Variants in ECT2L observed in about 807,000 individuals in gnomAD.
ECT2L encodes epithelial cell transforming 2 like, also known as epithelial cell-transforming sequence 2 oncogene-like.
In ECT2L, 126 loss-of-function variants were observed where a neutral mutation model predicts 122.8. The ratio of observed to expected loss-of-function variants is 1.03; its 90% CI spans 0.89 to 1.19. ECT2L has a LOEUF of 1.19. Among genes scored for constraint, ECT2L ranks in the 50% most tolerant of loss-of-function variants. The probability of loss-of-function intolerance (pLI) is 0.00; values close to 1 mark genes in which losing one functional copy is unlikely to be tolerated. For synonymous variants in ECT2L, 385 were observed against 381.8 expected, an observed-to-expected ratio of 1.01 and a Z score of -0.10; for missense variants, 1,012 against 1,064.1, an observed-to-expected ratio of 0.95 and a Z score of 0.68.
intron 4 of ECT2L, among the ~76,000 whole-genome samples, chr6:138,834,896 C>CAT (rs1776769030): frequency 1.2e-5 from 1 of 84,160 alleles, no homozygotes; most frequent in East Asian, 3.4e-4. Flanking sequence ...CCCCCGTTTA[C>CAT]ACACACACAC....
chr6:138,896,092 A>T (rs568643888), intron 20 of ECT2L, among the ~76,000 whole-genome samples: 10,783 of 139,178 alleles, frequency 0.077, 967 homozygotes, highest in African/African-American at 0.21. Flanking sequence ...TCATTGCTGA[A>T]TTTTTTTTTT....
chr6:138,881,657 G>C (rs1387829198), intron 15 of ECT2L, among the ~76,000 whole-genome samples: 2 of 151,234 alleles, frequency 1.3e-5, no homozygotes, highest in African/African-American at 4.9e-5. Flanking sequence ...TGGGATGATG[G>C]GAGACAAGGA....
rs1779484998 is a variant in ECT2L, at chr6:138,903,674, AAAAC to A, written c.*1051_*1054del. On this transcript the variant is annotated 3_prime_UTR_variant, in exon 22 of 22. Coordinates refer to ENST00000541398, the MANE Select transcript of ECT2L (RefSeq NM_001077706.3). ...ACAGCTGAGTAAAAATGTTTCTTTG[AAAAC>A]AAAGACACTCAGAAAAACAGGTGTT... 1 of 152,232 alleles carries A rather than the reference AAAAC, an allele frequency of 6.6e-6. No individual in the cohort carries two copies. The highest frequency in any genetic ancestry group is 1.5e-5 in the Non-Finnish European group (1 of 68,026). 9.4% of individuals were successfully genotyped at this position (152,232 alleles called of 1,614,324 possible). A position where few individuals can be genotyped will look rare whatever the true frequency, so the allele number is the denominator to read the frequency against.
Position 138,844,628 on chromosome 6 carries a change from A to G in ECT2L, c.764+48A>G, listed in dbSNP as rs759795715. Reference sequence around the variant, plus strand: ...AAGGCTCAACACCATCCCAATACCAATAATTCACTCTAGAATAAATTTAGC... The same window carrying G: ...AAGGCTCAACACCATCCCAATACCAGTAATTCACTCTAGAATAAATTTAGC... On this transcript the variant is annotated intron_variant, in intron 7 of 21. Transcript: ENST00000541398. The G allele has an allele frequency of 7.8e-6, 12 of 1,546,722 alleles. No homozygotes were observed. The African/African-American group carries it at 1.2e-4, about 16-fold the overall frequency.
At chr6:138,901,480 T>G (rs1205946690) in intron 21 of ECT2L, among the ~76,000 whole-genome samples, 1 of 152,208 alleles carries the variant, frequency 6.6e-6, no homozygotes, top group East Asian at 1.9e-4. Flanking sequence ...TTTTAAATTT[T>G]TATCTATTAC....
intron 7 of ECT2L, among the ~76,000 whole-genome samples, chr6:138,844,897 C>T (rs192381263): frequency 1.0e-4 from 15 of 149,702 alleles, no homozygotes; most frequent in Non-Finnish European, 1.3e-4. Context: ...CAAATAGCTG[C>T]GATTACAGGC....
intron 10 of ECT2L, among the ~76,000 whole-genome samples, chr6:138,857,610 G>C (rs1352590875): frequency 1.3e-5 from 2 of 152,006 alleles, no homozygotes; most frequent in African/African-American, 4.8e-5. Flanking sequence ...GCAGAGGAAC[G>C]CCCCTTCTTG....
At chr6:138,808,428 T>C (rs1390136053) in intron 1 of ECT2L, among the ~76,000 whole-genome samples, 1 of 151,566 alleles carries the variant, frequency 6.6e-6, no homozygotes, top group African/African-American at 2.4e-5. Context: ...TTAAAAAATT[T>C]TGTAGACACA....
chr6:138,882,031 C>T (rs1266285295), intron 15 of ECT2L, among the ~76,000 whole-genome samples: 1 of 152,120 alleles, frequency 6.6e-6, no homozygotes, highest in Non-Finnish European at 1.5e-5. Flanking sequence ...GGGAAAAAAC[C>T]AGAAGGATTT....
intron 4 of ECT2L, among the ~76,000 whole-genome samples, chr6:138,827,124 G>A (rs182704541): frequency 1.1e-4 from 16 of 152,232 alleles, no homozygotes; most frequent in Admixed American, 3.3e-4. Flanking sequence ...CAACGTGGGC[G>A]GATCATGAGG....
At chr6:138,816,625 C>T (rs1026388491) in intron 4 of ECT2L, among the ~76,000 whole-genome samples, 1 of 152,042 alleles carries the variant, frequency 6.6e-6, no homozygotes, top group African/African-American at 2.4e-5. Flanking sequence ...GCTGGGACTA[C>T]AGGCGCCCAC....
Position 138,881,030 on chromosome 6 carries a change from A to G in ECT2L, c.1739A>G (p.Lys580Arg), listed in dbSNP as rs587778240. Residue 580 changes from lysine (K) to arginine (R), a missense_variant, in exon 15 of 22, where the codon AAA becomes AGA. Lys to Arg is a conservative substitution (Grantham distance 26, BLOSUM62 2). Coordinates refer to ENST00000541398, the MANE Select transcript of ECT2L (RefSeq NM_001077706.3). ...AGAGAACTCTTACAGAGTGAGAGAAAATACGTGCAGATACTGGAAATTGTG... is the reference window on the plus strand; with the variant it reads ...AGAGAACTCTTACAGAGTGAGAGAAGATACGTGCAGATACTGGAAATTGTG... Reference protein sequence around the residue: ...VVRELLQSERKYVQILEIVRD... With the variant: ...VVRELLQSERRYVQILEIVRD... 1.3e-5 allele frequency: 21 copies of G among 1,614,166 alleles called. No homozygotes were observed. In the South Asian group the frequency reaches 2.1e-4, roughly 16 times the overall value.
intron 4 of ECT2L, among the ~76,000 whole-genome samples, chr6:138,826,563 A>G (rs1426599289): frequency 1.3e-5 from 2 of 151,906 alleles, no homozygotes; most frequent in African/African-American, 4.8e-5. Flanking sequence ...GTAATTTGGG[A>G]GGCTGAGGCA....
chr6:138,824,905 C>T (rs540203273), intron 4 of ECT2L, among the ~76,000 whole-genome samples: 41 of 152,216 alleles, frequency 2.7e-4, no homozygotes, highest in Non-Finnish European at 5.1e-4. Context: ...CCCGGAACCA[C>T]ATCAACTCAT....
chr6:138,866,373 C>T (rs1277552935), intron 12 of ECT2L, among the ~76,000 whole-genome samples: 3 of 152,108 alleles, frequency 2.0e-5, no homozygotes, highest in Admixed American at 2.0e-4. Context: ...GGCTGGGCCT[C>T]CCAAGTAGCT....
chr6:138,872,168 A>AG (rs1778279321), intron 13 of ECT2L, among the ~76,000 whole-genome samples: 1 of 152,140 alleles, frequency 6.6e-6, no homozygotes, highest in African/African-American at 2.4e-5. Flanking sequence ...ATGCCTTTCC[A>AG]GGGATATCTA....
chr6:138,868,148 ACC>A lies in ECT2L; in HGVS notation c.1521_1522del (p.Asn507LysfsTer20), dbSNP rs1234228773. ...ATGGGTATGACCAACATTCTAAACA[ACC>A]AAGATACTGCGCAAGCTCTGGCAGA... On this transcript the variant is annotated frameshift_variant, in exon 13 of 22. Coordinates refer to ENST00000541398, the MANE Select transcript of ECT2L (RefSeq NM_001077706.3). LOFTEE classifies it high-confidence loss of function. The A allele has an allele frequency of 6.2e-7, 1 of 1,613,532 alleles. No homozygotes were observed. The highest frequency in any genetic ancestry group is 1.3e-5 in the African/African-American group (1 of 74,940).
intron 16 of ECT2L, among the ~76,000 whole-genome samples, chr6:138,884,553 G>A (rs929583712): frequency 4.6e-5 from 7 of 151,916 alleles, no homozygotes; most frequent in African/African-American, 7.3e-5. Flanking sequence ...CAGGAGAATC[G>A]CTTGAACCTG....
At chr6:138,894,850 A>C (rs61344992) in intron 20 of ECT2L, among the ~76,000 whole-genome samples, 1 of 152,134 alleles carries the variant, frequency 6.6e-6, no homozygotes, top group African/African-American at 2.4e-5. Context: ...GCTTAGCCCA[A>C]ATAAACTCTA....
Sources: allele counts gnomAD v4.1 joint callset (sites outside exome capture counted in the v4.1 genomes callset), GRCh38; gene constraint gnomAD v4.1.1; transcripts MANE v1.5; gene names NCBI Gene and HGNC (gene_info 2026-07-23, HGNC 2026-07-21).